The following UXS1 variants were observed in gnomAD, a reference collection of about 807,000 sequenced individuals.
UXS1 encodes the protein UDP-glucuronate decarboxylase 1, also known as UDP-glucuronic acid decarboxylase 1.
Under a neutral mutation model 62.6 loss-of-function variants are expected in UXS1, and 33 were observed. The ratio of observed to expected loss-of-function variants is 0.53; its 90% CI spans 0.40 to 0.70. UXS1 has a LOEUF of 0.70. UXS1 is among the 30% of genes least tolerant of loss of function. UXS1 has a pLI of 0.00. For missense variants in UXS1, 434 were observed against 556.3 expected (o/e 0.78, Z 2.21); for synonymous variants, 213 against 206.8 (o/e 1.03, Z -0.26).
At chr2:106,120,482 G>A (rs908178393) in intron 9 of UXS1, among the ~76,000 whole-genome samples, 7 of 152,138 alleles carry the variant, frequency 4.6e-5, no homozygotes, top group Admixed American at 1.3e-4. Context: ...CTCCCTCAAC[G>A]TGCCCCCAGA....
chr2:106,096,487 G>C (rs544674964), intron 14 of UXS1, among the ~76,000 whole-genome samples: 1 of 152,188 alleles, frequency 6.6e-6, no homozygotes. Flanking sequence ...GAGATTTTAC[G>C]AAAACAGAGC....
At chr2:106,145,025 C>T (rs1681450644) in intron 6 of UXS1, among the ~76,000 whole-genome samples, 165 bp downstream of exon 6, 1 of 152,198 alleles carries the variant, frequency 6.6e-6, no homozygotes, top group African/African-American at 2.4e-5. Flanking sequence ...CACTCGTTAT[C>T]ACACAGACTA....
intron 1 of UXS1, among the ~76,000 whole-genome samples, chr2:106,178,577 T>C (rs1322776916): frequency 6.6e-6 from 1 of 152,058 alleles, no homozygotes; most frequent in Non-Finnish European, 1.5e-5. Context: ...TGTATATATA[T>C]ATGTGTATAT....
intron 1 of UXS1, among the ~76,000 whole-genome samples, chr2:106,183,968 G>A (rs1684404944): frequency 6.6e-6 from 1 of 152,152 alleles, no homozygotes; most frequent in Non-Finnish European, 1.5e-5. Flanking sequence ...GAGGTGGGTG[G>A]ATCACCTGAG....
intron 5 of UXS1, among the ~76,000 whole-genome samples, chr2:106,149,202 A>C (rs1644785878): frequency 6.6e-6 from 1 of 152,180 alleles, no homozygotes; most frequent in Non-Finnish European, 1.5e-5. Context: ...AAAAAAAACT[A>C]AGTCTGTTTG....
At chr2:106,107,788 C>G (rs892827402) in intron 10 of UXS1, among the ~76,000 whole-genome samples, 2 of 152,226 alleles carry the variant, frequency 1.3e-5, no homozygotes, top group African/African-American at 2.4e-5. Context: ...GGCAGCTCCC[C>G]ACCCAGCCAG....
At chr2:106,146,640 C>T (rs1401195184) in intron 5 of UXS1, among the ~76,000 whole-genome samples, 1 of 151,464 alleles carries the variant, frequency 6.6e-6, no homozygotes. Flanking sequence ...ATTAGCTGGG[C>T]GTGGTGGCAC....
At chr2:106,128,165 CAGAG>C (rs1360858693) in intron 7 of UXS1, among the ~76,000 whole-genome samples, 3 of 152,058 alleles carry the variant, frequency 2.0e-5, no homozygotes, top group Admixed American at 6.5e-5. Context: ...GGGGGCGGGA[CAGAG>C]AGAGTGTAGG....
chr2:106,125,820 G>T, intron 7 of UXS1, 141 bp from the exon 8 acceptor site: 1 of 620,474 alleles, frequency 1.6e-6, no homozygotes, highest in Non-Finnish European at 2.5e-6. Flanking sequence ...GTCTGCTTTG[G>T]CACCAAAATA....
intron 1 of UXS1, among the ~76,000 whole-genome samples, chr2:106,172,622 T>C (rs1489245852): frequency 2.0e-5 from 3 of 151,510 alleles, no homozygotes; most frequent in Non-Finnish European, 2.9e-5. Flanking sequence ...TCTCAACCGA[T>C]AAAATCTAGG....
At position 106,093,979 on chromosome 2, in the gene UXS1, T is replaced by A. The variant is rs756488276; in HGVS notation, c.*47A>T. 5 of 1,506,502 alleles carry A rather than the reference T, an allele frequency of 3.3e-6. No individual in the cohort carries two copies. The East Asian group carries it at 1.3e-4, about 38-fold the overall frequency. The allele number at this position is 1,506,502 out of a possible 1,614,324, so 93.3% of individuals were successfully genotyped here. On this transcript the variant is annotated 3_prime_UTR_variant, in exon 15 of 15. Transcript: ENST00000283148. Reference sequence around the variant, plus strand: ...ACAACAAAAAAAAGCCAAAAATACATCCCATCAAGTGTACAATGGTAGTCT... The same window carrying A: ...ACAACAAAAAAAAGCCAAAAATACAACCCATCAAGTGTACAATGGTAGTCT...
chr2:106,163,032 T>G (rs1321278286), intron 4 of UXS1, among the ~76,000 whole-genome samples: 1 of 152,212 alleles, frequency 6.6e-6, no homozygotes, highest in Non-Finnish European at 1.5e-5. Context: ...CTACTCTAGA[T>G]AGTTTTCCAC....
At chr2:106,161,957 T>C (rs953590547) in intron 4 of UXS1, among the ~76,000 whole-genome samples, 5 of 152,232 alleles carry the variant, frequency 3.3e-5, no homozygotes, top group Non-Finnish European at 5.9e-5. Flanking sequence ...AGTAAACCTA[T>C]TTCCAGTTAC....
At position 106,145,441 on chromosome 2, in the gene UXS1, CG is replaced by C. The variant is rs1224650798; in HGVS notation, c.292-72del. The stretch of plus-strand genomic sequence containing the variant: ...GAGAACACAGTGAGGACCAGCTCCA[CG>C]GAGAGACATCTCTGGTGCAGCCACG... On this transcript the variant is annotated intron_variant, in intron 5 of 14. Coordinates refer to ENST00000283148, the MANE Select transcript of UXS1 (RefSeq NM_001253875.2). 6.0e-6 allele frequency: 9 copies of C among 1,489,090 alleles called. No homozygotes were observed. In the East Asian group the frequency reaches 7.2e-5, roughly 12 times the overall value. The allele number at this position is 1,489,090 out of a possible 1,614,324, so 92.2% of individuals were successfully genotyped here.
intron 9 of UXS1, among the ~76,000 whole-genome samples, chr2:106,119,586 G>C (rs1393928219): frequency 6.6e-6 from 1 of 152,202 alleles, no homozygotes; most frequent in African/African-American, 2.4e-5. Flanking sequence ...GTCACCTCCA[G>C]ACAGTGACAC....
chr2:106,104,125 G>A (rs980494072), intron 11 of UXS1, among the ~76,000 whole-genome samples: 2 of 152,262 alleles, frequency 1.3e-5, no homozygotes, highest in African/African-American at 2.4e-5. Flanking sequence ...AACAATTCAG[G>A]ATACCAGAAA....
rs557834306 is a variant in UXS1 at position 106,177,536 on chromosome 2, T to G, written c.95-11453A>C. On this transcript the variant is annotated intron_variant, in intron 1 of 14. Transcript: ENST00000283148. ...TTAAAGCTATTCATGTATTTGTTTA[T>G]TTTAGAAGTCTGGGGACACCAGGTA... 1.1e-3 allele frequency among the ~76,000 whole-genome samples: 171 copies of G among 152,350 alleles called. 5 individuals are homozygous for G. The South Asian group carries it at 0.034, about 30-fold the overall frequency.
chr2:106,101,982 T>A lies in UXS1; in HGVS notation c.924-864A>T, dbSNP rs530811811. On this transcript the variant is annotated intron_variant, in intron 11 of 14. Transcript: ENST00000283148. ...CCTTCTCCTTCTCCTCCTCCATCGT[T>A]ACCAGTGAGGAGCAGGTCACTCTGG... 2.6e-5 allele frequency: 4 copies of A among 152,342 alleles called. No homozygotes were observed. In the South Asian group the frequency reaches 6.2e-4, roughly 24 times the overall value. 9.4% of individuals were successfully genotyped at this position (152,342 alleles called of 1,614,324 possible). A position where few individuals can be genotyped will look rare whatever the true frequency, so the allele number is the denominator to read the frequency against.
At chr2:106,138,366 C>T in intron 6 of UXS1, 4 of 985,608 alleles carry the variant, frequency 4.1e-6, no homozygotes, top group Non-Finnish European at 4.8e-6. Context: ...AGACGATGAG[C>T]TCACTGAGCA....
Sources: gnomAD v4.1 joint callset for allele counts (sites outside exome capture counted in the v4.1 genomes callset) on GRCh38, gnomAD v4.1.1 for gene constraint, MANE v1.5 for transcripts, NCBI Gene and HGNC (gene_info 2026-07-23, HGNC 2026-07-21) for gene names.